Variants in PLD1 observed in about 807,000 individuals in gnomAD.
PLD1 encodes phospholipase D1.
PLD1 carries 112 observed loss-of-function variants against 137.1 expected under a neutral mutation model. The observed-to-expected ratio is 0.82, with a 90% CI of 0.70 to 0.96. The LOEUF (loss-of-function observed/expected upper bound fraction) is 0.96, where lower values mean the gene tolerates loss of function less well. Ranked by LOEUF, PLD1 falls within the 40% of genes least tolerant of loss-of-function variation. PLD1 has a pLI of 0.00. For missense variants in PLD1, 1,321 were observed against 1,342.0 expected, an observed-to-expected ratio of 0.98 and a Z score of 0.24; for synonymous variants, 431 against 454.7, an observed-to-expected ratio of 0.95 and a Z score of 0.66.
chr3:171,747,022 C>G (rs138863846), intron 1 of PLD1, among the ~76,000 whole-genome samples: 4 of 152,176 alleles, frequency 2.6e-5, no homozygotes, highest in Non-Finnish European at 5.9e-5. Context: ...GACCACGAAC[C>G]CACCCGGAGA....
chr3:171,672,883 A>C (rs55991650), intron 19 of PLD1, among the ~76,000 whole-genome samples: 5,669 of 152,292 alleles, frequency 0.037, 366 homozygotes, highest in African/African-American at 0.13. Flanking sequence ...GCAGGATGAG[A>C]CTATGTGAGT....
intron 16 of PLD1, among the ~76,000 whole-genome samples, chr3:171,682,165 AAAAAGAAAGAAAG>A (rs1714073326): frequency 3.0e-5 from 1 of 33,452 alleles, no homozygotes; most frequent in Admixed American, 2.6e-4. Context: ...AGAAAGAAAG[AAAAAGAAAGAAAG>A]AAAGAAAGAA....
intron 19 of PLD1, among the ~76,000 whole-genome samples, chr3:171,672,489 A>ATTT (rs1163775544): frequency 8.0e-6 from 1 of 124,538 alleles, no homozygotes; most frequent in Non-Finnish European, 1.7e-5. Flanking sequence ...TTTAGTTTTT[A>ATTT]TTTTTATTTT....
chr3:171,671,995 C>T (rs1352083146), intron 19 of PLD1, among the ~76,000 whole-genome samples: 2 of 150,920 alleles, frequency 1.3e-5, no homozygotes, highest in African/African-American at 2.4e-5. Context: ...ACCCCGCCCC[C>T]GCCCTGGCCT....
At chr3:171,759,801 T>C (rs6769444) in intron 1 of PLD1, among the ~76,000 whole-genome samples, 129,808 of 152,282 alleles carry the variant, frequency 0.85, 55,633 homozygotes, top group Middle Eastern at 0.94. Flanking sequence ...AATATTCAAT[T>C]TACATTTTAC....
chr3:171,668,752 G>A (rs569511658), intron 19 of PLD1, among the ~76,000 whole-genome samples: 3 of 152,248 alleles, frequency 2.0e-5, no homozygotes, highest in African/African-American at 7.2e-5. Flanking sequence ...AAAAAGGATT[G>A]TTCCCATGTG....
rs111748660 is a variant in PLD1 at position 171,699,691 on chromosome 3, A to T, written c.1227+54T>A. On this transcript the variant is annotated intron_variant, in intron 12 of 26. Transcript: ENST00000351298. ...AAGGCTTTGAAAAGAAAAGCATTTC[A>T]GAGACAACAGACAGTTAAAAAATTA... 2.9e-4 allele frequency: 369 copies of T among 1,260,374 alleles called. 3 individuals carry two copies. In the African/African-American group the frequency reaches 4.7e-3, roughly 16 times the overall value. The allele number at this position is 1,260,374 out of a possible 1,614,324, so 78.1% of individuals were successfully genotyped here.
chr3:171,760,784 C>T (rs530182560), intron 1 of PLD1, among the ~76,000 whole-genome samples: 6 of 152,170 alleles, frequency 3.9e-5, no homozygotes, highest in African/African-American at 1.2e-4. Flanking sequence ...GAATCACATG[C>T]ATGAGTTTTC....
At chr3:171,708,985 G>C (rs1272698117) in intron 10 of PLD1, 147 bp from the exon 11 acceptor site, 1 of 588,410 alleles carries the variant, frequency 1.7e-6, no homozygotes, top group Non-Finnish European at 3.0e-6. Context: ...TGGAAAACAA[G>C]GATTGAAAAT....
chr3:171,748,885 A>G (rs1720461040), intron 1 of PLD1, among the ~76,000 whole-genome samples: 1 of 149,914 alleles, frequency 6.7e-6, no homozygotes, highest in Admixed American at 6.7e-5. Context: ...TAGTTATTCT[A>G]AGAGCTATCA....
intron 9 of PLD1, among the ~76,000 whole-genome samples, chr3:171,712,277 G>A (rs35765488): frequency 0.35 from 53,789 of 151,970 alleles, 10,545 homozygotes; most frequent in African/African-American, 0.5. Flanking sequence ...CATCCCCATC[G>A]CGTGTGGTGG....
intron 24 of PLD1, among the ~76,000 whole-genome samples, chr3:171,619,818 C>T (rs1191781981): frequency 6.6e-6 from 1 of 151,976 alleles, no homozygotes; most frequent in African/African-American, 2.4e-5. Context: ...GGTGTGGTGG[C>T]TCGGGCCTGT....
intron 8 of PLD1, among the ~76,000 whole-genome samples, chr3:171,721,760 A>C (rs1236346655): frequency 2.6e-5 from 4 of 151,900 alleles, no homozygotes; most frequent in Non-Finnish European, 1.5e-5. Context: ...CTTCTCTCCC[A>C]GCGACAGATC....
intron 21 of PLD1, chr3:171,654,114 G>A (rs372659696): frequency 3.1e-4 from 113 of 360,728 alleles, no homozygotes; most frequent in African/African-American, 1.1e-3. Context: ...TAGCCTGGCC[G>A]ACATGGTGAA....
intron 23 of PLD1, among the ~76,000 whole-genome samples, 198 bp from the exon 24 acceptor site, chr3:171,620,718 TTC>T (rs369273677): frequency 0.075 from 7,784 of 103,918 alleles, 369 homozygotes; most frequent in East Asian, 0.13. Flanking sequence ...CTGAATGGCT[TTC>T]TCTCTCTCTC....
At chr3:171,677,745 G>C (rs1713539925) in intron 16 of PLD1, 51 bp from the exon 17 acceptor site, 1 of 1,572,178 alleles carries the variant, frequency 6.4e-7, no homozygotes, top group Non-Finnish European at 8.6e-7. Context: ...GTGAGTCCCA[G>C]AAAGGGAGGC....
At chr3:171,782,757 C>G (rs1254080463) in intron 1 of PLD1, among the ~76,000 whole-genome samples, 1 of 151,668 alleles carries the variant, frequency 6.6e-6, no homozygotes, top group African/African-American at 2.4e-5. Context: ...TAAAGAGGAA[C>G]AAAGATATGA....
At chr3:171,740,090 T>A (rs570398165) in intron 1 of PLD1, among the ~76,000 whole-genome samples, 1 of 152,126 alleles carries the variant, frequency 6.6e-6, no homozygotes, top group Non-Finnish European at 1.5e-5. Flanking sequence ...ATCTCTAGAG[T>A]TCTTTTAACA....
intron 9 of PLD1, among the ~76,000 whole-genome samples, chr3:171,710,799 T>C (rs929981088): frequency 6.6e-6 from 1 of 152,034 alleles, no homozygotes; most frequent in African/African-American, 2.4e-5. Context: ...ATTCCATCTT[T>C]CTGGTTCCAG....
Sources: gnomAD v4.1 joint callset for allele counts (sites outside exome capture counted in the v4.1 genomes callset) on GRCh38, gnomAD v4.1.1 for gene constraint, MANE v1.5 for transcripts, NCBI Gene and HGNC (gene_info 2026-07-23, HGNC 2026-07-21) for gene names.